Variants in PRKCQ observed in about 807,000 individuals in gnomAD.
PRKCQ encodes protein kinase C theta type.
In PRKCQ, 41 loss-of-function variants were observed where a neutral mutation model predicts 91.2. That is an observed-to-expected ratio of 0.45 (90% CI 0.35 to 0.58). The LOEUF (loss-of-function observed/expected upper bound fraction) is 0.58, where lower values mean the gene tolerates loss of function less well. Among genes scored for constraint, PRKCQ ranks in the 20% least tolerant of loss-of-function variants. The pLI is 0.00. For missense variants in PRKCQ, 673 were observed against 896.5 expected, an observed-to-expected ratio of 0.75 and a Z score of 3.18; for synonymous variants, 307 against 316.9, an observed-to-expected ratio of 0.97 and a Z score of 0.33.
the PRKCQ span, among the ~76,000 whole-genome samples, chr10:6,410,976 C>CAA: frequency 6.0e-3 from 523 of 87,218 alleles, 5 homozygotes; most frequent in South Asian, 0.017. Context: ...GATTCCGTTT[C>CAA]AAAAAAAAAA....
At chr10:6,400,830 TAGAA>T in the PRKCQ span, among the ~76,000 whole-genome samples, 86 of 151,582 alleles carry the variant, frequency 5.7e-4, no homozygotes, top group African/African-American at 1.9e-3. Flanking sequence ...CTGGGCGACA[TAGAA>T]AGACCCCACT....
At chr10:6,522,024 C>A (rs1839034105) in intron 1 of PRKCQ, among the ~76,000 whole-genome samples, 1 of 152,074 alleles carries the variant, frequency 6.6e-6, no homozygotes, top group Non-Finnish European at 1.5e-5. Flanking sequence ...CTCACTGCAA[C>A]CTTTGCCTCC....
chr10:6,570,553 C>CTTT (rs34824156), intron 1 of PRKCQ, among the ~76,000 whole-genome samples: 2 of 135,206 alleles, frequency 1.5e-5, no homozygotes, highest in African/African-American at 2.7e-5. Flanking sequence ...TAAGGGGCTT[C>CTTT]TTTTTTTTTT....
At chr10:6,485,444 T>C (rs1836854232) in intron 9 of PRKCQ, among the ~76,000 whole-genome samples, 175 bp from the exon 10 acceptor site, 1 of 152,262 alleles carries the variant, frequency 6.6e-6, no homozygotes, top group African/African-American at 2.4e-5. Context: ...GTCTATCTAC[T>C]GTATTTTATG....
chr10:6,473,535 C>T (rs915683364), intron 12 of PRKCQ, among the ~76,000 whole-genome samples: 2 of 152,182 alleles, frequency 1.3e-5, no homozygotes, highest in Admixed American at 1.3e-4. Context: ...ATCAGAACGC[C>T]GCCAGAGGAC....
At chr10:6,530,968 A>C (rs1395258618) in intron 1 of PRKCQ, among the ~76,000 whole-genome samples, 1 of 152,166 alleles carries the variant, frequency 6.6e-6, no homozygotes, top group African/African-American at 2.4e-5. Flanking sequence ...CTGGAGGCCT[A>C]ATTTCTGAAT....
chr10:6,496,934 G>A, intron 7 of PRKCQ, 101 bp downstream of exon 7: 4 of 1,039,530 alleles, frequency 3.8e-6, no homozygotes, highest in Non-Finnish European at 6.0e-6. Flanking sequence ...TGATAAATGG[G>A]AGGATGCAAG....
chr10:6,571,797 C>T (rs1403680318), intron 1 of PRKCQ, among the ~76,000 whole-genome samples: 1 of 152,066 alleles, frequency 6.6e-6, no homozygotes, highest in Non-Finnish European at 1.5e-5. Flanking sequence ...GAACAAGACC[C>T]TGCCTCAAAA....
intron 1 of PRKCQ, among the ~76,000 whole-genome samples, chr10:6,552,236 C>T (rs780379455): frequency 5.9e-5 from 9 of 152,086 alleles, no homozygotes; most frequent in Non-Finnish European, 1.2e-4. Flanking sequence ...CAGATATACA[C>T]AAATATAAAA....
chr10:6,551,325 G>C (rs552846040), intron 1 of PRKCQ, among the ~76,000 whole-genome samples: 1 of 152,100 alleles, frequency 6.6e-6, no homozygotes, highest in Non-Finnish European at 1.5e-5. Context: ...TTCTGCAAAA[G>C]TCCTGGTCTC....
chr10:6,467,389 C>CAGACAGAGAG (rs1835734879), intron 12 of PRKCQ, among the ~76,000 whole-genome samples: 1 of 27,772 alleles, frequency 3.6e-5, no homozygotes, highest in African/African-American at 1.7e-4. Flanking sequence ...GAGAGACAGA[C>CAGACAGAGAG]AGAGAGAGAG....
chr10:6,516,872 A>T (rs1335935764), intron 1 of PRKCQ, among the ~76,000 whole-genome samples: 2 of 152,160 alleles, frequency 1.3e-5, no homozygotes, highest in Admixed American at 6.5e-5. Flanking sequence ...GGCTTCCATT[A>T]CAGCAAGGAA....
chr10:6,453,230 A>C (rs946840351), intron 15 of PRKCQ, among the ~76,000 whole-genome samples: 2 of 152,088 alleles, frequency 1.3e-5, no homozygotes, highest in Non-Finnish European at 2.9e-5. Context: ...TTTACAAGAA[A>C]AAAACAACCC....
At chr10:6,437,606 T>C (rs1385590204) in intron 16 of PRKCQ, among the ~76,000 whole-genome samples, 1 of 152,214 alleles carries the variant, frequency 6.6e-6, no homozygotes, top group Admixed American at 6.5e-5. Context: ...TGCCTTTATA[T>C]AAAATAAAAA....
rs903844436 is a variant in PRKCQ at position 6,531,191 on chromosome 10, G to A, written c.-9-16047C>T. On this transcript the variant is annotated intron_variant, in intron 1 of 17. Transcript: ENST00000263125. ...GTGAGGATGGAGCTTTAGCAAGGCC[G>A]CCAGGGAACGGATGCATATTGAAGT... is the stretch of plus-strand genomic sequence containing the variant. 4.6e-5 allele frequency among the ~76,000 whole-genome samples: 7 copies of A among 151,736 alleles called. No homozygotes were observed. In the East Asian group the frequency reaches 1.4e-3, roughly 30 times the overall value.
chr10:6,543,417 G>A (rs571044092), intron 1 of PRKCQ, among the ~76,000 whole-genome samples: 5 of 152,182 alleles, frequency 3.3e-5, no homozygotes, highest in South Asian at 4.1e-4. Flanking sequence ...AACACCATGG[G>A]GAAAGGTGGC....
chr10:6,482,810 C>G (rs747602812), intron 11 of PRKCQ, among the ~76,000 whole-genome samples: 3 of 152,086 alleles, frequency 2.0e-5, no homozygotes, highest in Non-Finnish European at 4.4e-5. Context: ...GGTGAGAGGG[C>G]ATGTGTAGGG....
chr10:6,473,773 T>G (rs1248138757), intron 12 of PRKCQ, among the ~76,000 whole-genome samples: 4 of 152,188 alleles, frequency 2.6e-5, no homozygotes, highest in Non-Finnish European at 4.4e-5. Flanking sequence ...ATGCTTGAAA[T>G]TAAAAACTTT....
intron 12 of PRKCQ, among the ~76,000 whole-genome samples, chr10:6,469,664 C>T (rs1835858135): frequency 6.6e-6 from 1 of 152,192 alleles, no homozygotes; most frequent in African/African-American, 2.4e-5. Flanking sequence ...AGAGCACTCT[C>T]CTGTGACCAG....
Sources: gnomAD v4.1 joint callset for allele counts (sites outside exome capture counted in the v4.1 genomes callset) on GRCh38, gnomAD v4.1.1 for gene constraint, MANE v1.5 for transcripts, NCBI Gene and HGNC (gene_info 2026-07-23, HGNC 2026-07-21) for gene names.